Variants in FER observed in about 807,000 individuals in gnomAD.
FER encodes FER tyrosine kinase.
In FER, 63 loss-of-function variants were observed where a neutral mutation model predicts 111.0. That is an observed-to-expected ratio of 0.57 (90% confidence interval 0.46 to 0.70). The LOEUF is 0.70. Ranked by LOEUF, FER falls within the 30% of genes least tolerant of loss-of-function variation. The pLI is 0.00. For missense variants in FER, 914 were observed against 954.0 expected (o/e 0.96, Z 0.55); for synonymous variants, 327 against 313.9 (o/e 1.04, Z -0.44).
intron 13 of FER, among the ~76,000 whole-genome samples, chr5:108,976,607 C>T (rs1761381397): frequency 6.6e-6 from 1 of 152,158 alleles, no homozygotes; most frequent in South Asian, 2.1e-4. Context: ...TAATAGCCTA[C>T]TGTTGACCAG....
At chr5:109,110,805 A>C (rs564900851) in intron 17 of FER, among the ~76,000 whole-genome samples, 1 of 152,068 alleles carries the variant, frequency 6.6e-6, no homozygotes, top group African/African-American at 2.4e-5. Context: ...AATTCTAACA[A>C]TTTTAACGTA....
chr5:109,167,037 C>T (rs996981149), intron 17 of FER, among the ~76,000 whole-genome samples: 14 of 152,128 alleles, frequency 9.2e-5, no homozygotes, highest in African/African-American at 3.4e-4. Flanking sequence ...CTCAGCATTA[C>T]CTTCAAACTT....
rs1454103591 is a variant in FER at position 109,193,099 on chromosome 5, C to T, written c.*5524C>T. ...GCTGTGTGTCCTTAAACAGTGCGTG[C>T]CTCTTAAGTCTCTACAACACTTTTT... On this transcript the variant is annotated 3_prime_UTR_variant, in exon 20 of 20. Coordinates refer to ENST00000281092, the MANE Select transcript of FER (RefSeq NM_005246.4). The T allele has an allele frequency of 6.6e-6, 1 of 152,132 alleles. No homozygotes were observed. The highest frequency in any genetic ancestry group is 2.4e-5 in the African/African-American group (1 of 41,432). 9.4% of individuals were successfully genotyped at this position (152,132 alleles called of 1,614,324 possible).
At chr5:108,769,943 GAT>G in intron 2 of FER, among the ~76,000 whole-genome samples, 1 of 152,120 alleles carries the variant, frequency 6.6e-6, no homozygotes, top group South Asian at 2.1e-4. Context: ...TGATGATGAT[GAT>G]GATGATGATG....
chr5:108,998,575 T>C (rs1294183191), intron 13 of FER, among the ~76,000 whole-genome samples: 1 of 152,192 alleles, frequency 6.6e-6, no homozygotes, highest in Non-Finnish European at 1.5e-5. Flanking sequence ...ACTGGAGCTG[T>C]TCCTATTTGG....
intron 16 of FER, among the ~76,000 whole-genome samples, chr5:109,053,587 A>G (rs1429778897): frequency 4.6e-5 from 7 of 151,844 alleles, no homozygotes; most frequent in African/African-American, 1.5e-4. Flanking sequence ...AAATAGAATC[A>G]TGCAGTAAGC....
intron 17 of FER, among the ~76,000 whole-genome samples, 155 bp from the exon 18 acceptor site, chr5:109,180,590 CTA>C (rs1387441612): frequency 6.6e-6 from 1 of 152,104 alleles, no homozygotes; most frequent in African/African-American, 2.4e-5. Flanking sequence ...TGTTTTTTAC[CTA>C]TGACAGAAAA....
intron 13 of FER, among the ~76,000 whole-genome samples, chr5:108,974,604 G>C (rs73211559): frequency 0.13 from 20,479 of 152,210 alleles, 1,980 homozygotes; most frequent in African/African-American, 0.27. Flanking sequence ...AAAGCAAAAG[G>C]AATTTTGCAG....
At position 108,780,994 on chromosome 5, in the gene FER, T is replaced by C. The variant is rs192600687; in HGVS notation, c.-60+12756T>C. ...GTTACAGTGTTTTTGATCTCTGGTG[T>C]TTCTTTTTGGTTCTGTCTTAGAATT... On this transcript the variant is annotated intron_variant, in intron 2 of 19. Coordinates refer to ENST00000281092, the MANE Select transcript of FER (RefSeq NM_005246.4). Among the ~76,000 whole-genome samples, 19 of 152,278 alleles carry C rather than the reference T, an allele frequency of 1.2e-4. 1 individual carries two copies. The highest frequency in any genetic ancestry group is 1.2e-3 in the Admixed American group (19 of 15,296).
chr5:108,879,645 A>G (rs1765438479), intron 8 of FER, among the ~76,000 whole-genome samples: 1 of 146,548 alleles, frequency 6.8e-6, no homozygotes, highest in Non-Finnish European at 1.5e-5. Flanking sequence ...TTAAGGGGAT[A>G]ATGGTAAGAA....
intron 19 of FER, 94 bp downstream of exon 19, chr5:109,186,416 A>G: frequency 6.3e-7 from 1 of 1,579,720 alleles, no homozygotes; most frequent in Non-Finnish European, 8.7e-7. Context: ...TGTGTTAAAT[A>G]CTGTTTGGTT....
chr5:109,150,569 T>C (rs1016302875), intron 17 of FER, among the ~76,000 whole-genome samples: 7 of 152,194 alleles, frequency 4.6e-5, no homozygotes, highest in African/African-American at 1.7e-4. Context: ...AACTAGGAAC[T>C]AGGTGGTCAG....
At chr5:108,968,852 A>T (rs1374196090) in intron 13 of FER, among the ~76,000 whole-genome samples, 1 of 152,192 alleles carries the variant, frequency 6.6e-6, no homozygotes, top group Non-Finnish European at 1.5e-5. Flanking sequence ...ATGGATAAGG[A>T]CAACCAAATA....
At chr5:108,964,800 C>T (rs1759589376) in intron 13 of FER, among the ~76,000 whole-genome samples, 1 of 151,866 alleles carries the variant, frequency 6.6e-6, no homozygotes, top group Non-Finnish European at 1.5e-5. Flanking sequence ...TAGAATAGGC[C>T]ATCCAAATAA....
At chr5:108,789,348 T>C (rs113191074) in intron 2 of FER, among the ~76,000 whole-genome samples, 100 of 152,284 alleles carry the variant, frequency 6.6e-4, no homozygotes, top group African/African-American at 1.9e-3. Flanking sequence ...ATTTTGGAGA[T>C]GTTTGCTATT....
rs1759613802 is a variant in FER at position 109,194,701 on chromosome 5, T to A, written c.*7126T>A. 1 of 152,194 alleles carries A rather than the reference T, an allele frequency of 6.6e-6. No homozygotes were observed. The highest frequency in any genetic ancestry group is 1.5e-5 in the Non-Finnish European group (1 of 68,040). 9.4% of individuals were successfully genotyped at this position (152,194 alleles called of 1,614,324 possible). On this transcript the variant is annotated 3_prime_UTR_variant, in exon 20 of 20. Transcript: ENST00000281092. ...CAGATATCAGTGGGAAACGTCGGCGTTCTGAGCAACACAGGATAAATGTAG... is the reference window on the plus strand; with the variant it reads ...CAGATATCAGTGGGAAACGTCGGCGATCTGAGCAACACAGGATAAATGTAG...
chr5:108,845,982 T>C (rs763748803), intron 5 of FER, among the ~76,000 whole-genome samples: 3 of 152,202 alleles, frequency 2.0e-5, no homozygotes, highest in Non-Finnish European at 4.4e-5. Context: ...ATTTTCTTAG[T>C]CATGATGTAT....
In FER at chr5:108,886,903, A is replaced by G. The variant is rs556201515; in HGVS notation, c.1046+3385A>G. ...GTTTGCCTTTGAATTATATGTTAAC[A>G]TATTTTGCTAAACACATAGTCTGAA... is the stretch of plus-strand genomic sequence containing the variant. On this transcript the variant is annotated intron_variant, in intron 9 of 19. Coordinates refer to ENST00000281092, the MANE Select transcript of FER (RefSeq NM_005246.4). 2.0e-5 allele frequency among the ~76,000 whole-genome samples: 3 copies of G among 151,866 alleles called. No individual in the cohort carries two copies. The East Asian group carries it at 5.8e-4, about 29-fold the overall frequency.
chr5:108,916,529 C>T (rs1043079854), intron 10 of FER, among the ~76,000 whole-genome samples: 17 of 151,936 alleles, frequency 1.1e-4, no homozygotes, highest in Non-Finnish European at 2.2e-4. Context: ...TATAGACTTG[C>T]GTTATATATA....
Sources: allele counts gnomAD v4.1 joint callset (sites outside exome capture counted in the v4.1 genomes callset), GRCh38; gene constraint gnomAD v4.1.1; transcripts MANE v1.5; gene names NCBI Gene and HGNC (gene_info 2026-07-23, HGNC 2026-07-21).